Variants in NRG3 observed in about 807,000 individuals in gnomAD.
The protein encoded by NRG3 is neuregulin 3, also known as pro-neuregulin-3, membrane-bound isoform.
Under a neutral mutation model 66.9 loss-of-function variants are expected in NRG3, and 31 were observed. The observed-to-expected ratio is 0.46, with a 90% CI of 0.35 to 0.63. The LOEUF (loss-of-function observed/expected upper bound fraction) is 0.63, where lower values mean the gene tolerates loss of function less well. Among genes scored for constraint, NRG3 ranks in the 20% least tolerant of loss-of-function variants. The probability of loss-of-function intolerance (pLI) is 0.00; values close to 1 mark genes in which losing one functional copy is unlikely to be tolerated. For synonymous variants in NRG3, 393 were observed against 359.4 expected, an observed-to-expected ratio of 1.09 and a Z score of -1.06; for missense variants, 910 against 878.9, an observed-to-expected ratio of 1.04 and a Z score of -0.45.
chr10:82,777,693 A>G (rs2059959463), intron 3 of NRG3, among the ~76,000 whole-genome samples: 2 of 152,110 alleles, frequency 1.3e-5, no homozygotes, highest in Admixed American at 6.6e-5. Flanking sequence ...CATAGCTGCA[A>G]TTTAGATCCT....
At chr10:82,823,441 AC>A (rs1251427992) in intron 3 of NRG3, among the ~76,000 whole-genome samples, 29 of 152,282 alleles carry the variant, frequency 1.9e-4, no homozygotes, top group African/African-American at 6.0e-4. Context: ...ATTTATCAAG[AC>A]ACTAGAATGT....
chr10:82,187,440 T>C (rs551185612), intron 1 of NRG3, among the ~76,000 whole-genome samples: 1 of 152,322 alleles, frequency 6.6e-6, no homozygotes, highest in East Asian at 1.9e-4. Context: ...CATGCAAAGA[T>C]ATTTTCAAAA....
chr10:81,937,977 A>G (rs936119642), intron 1 of NRG3, among the ~76,000 whole-genome samples: 5 of 152,014 alleles, frequency 3.3e-5, no homozygotes, highest in Non-Finnish European at 5.9e-5. Context: ...AGTTTTCCTG[A>G]TACCATTTGT....
At chr10:82,143,988 C>T (rs1036240015) in intron 1 of NRG3, among the ~76,000 whole-genome samples, 1 of 146,904 alleles carries the variant, frequency 6.8e-6, no homozygotes, top group African/African-American at 2.5e-5. Context: ...TGTGATTGTG[C>T]TACTGCATTC....
At chr10:82,633,634 G>A (rs2049992649) in intron 2 of NRG3, among the ~76,000 whole-genome samples, 1 of 152,298 alleles carries the variant, frequency 6.6e-6, no homozygotes, top group East Asian at 1.9e-4. Context: ...CATCAGGAGT[G>A]TGTCAGCAGG....
chr10:82,556,704 C>G (rs557799374), intron 2 of NRG3, among the ~76,000 whole-genome samples: 11 of 152,260 alleles, frequency 7.2e-5, no homozygotes, highest in African/African-American at 2.6e-4. Flanking sequence ...AATCTCCTGT[C>G]ATAGGGTTCT....
intron 1 of NRG3, among the ~76,000 whole-genome samples, chr10:82,127,513 C>T (rs2068526641): frequency 6.6e-6 from 1 of 152,032 alleles, no homozygotes; most frequent in Non-Finnish European, 1.5e-5. Flanking sequence ...CCATACCCTC[C>T]TGAAACATAC....
intron 2 of NRG3, among the ~76,000 whole-genome samples, chr10:82,410,257 C>T (rs953318199): frequency 1.3e-5 from 2 of 151,840 alleles, no homozygotes; most frequent in East Asian, 1.9e-4. Context: ...TTTTGGAGGC[C>T]GAGGTGGATC....
At chr10:82,766,856 T>G (rs1022906806) in intron 3 of NRG3, among the ~76,000 whole-genome samples, 5 of 151,908 alleles carry the variant, frequency 3.3e-5, no homozygotes, top group African/African-American at 4.8e-5. Flanking sequence ...CCCTTCTGTC[T>G]TCCCATTTCT....
intron 1 of NRG3, among the ~76,000 whole-genome samples, chr10:82,308,452 C>G (rs1006682294): frequency 6.6e-6 from 1 of 152,112 alleles, no homozygotes; most frequent in South Asian, 2.1e-4. Context: ...TGTAATATCC[C>G]GTATGGCTTC....
intron 1 of NRG3, among the ~76,000 whole-genome samples, chr10:82,004,396 A>C (rs61862909): frequency 1.3e-5 from 2 of 152,256 alleles, no homozygotes; most frequent in Non-Finnish European, 1.5e-5. Context: ...GAGTGGGAAA[A>C]CCAAAGGTGT....
At chr10:82,028,725 C>G (rs2062428505) in intron 1 of NRG3, among the ~76,000 whole-genome samples, 1 of 151,980 alleles carries the variant, frequency 6.6e-6, no homozygotes, top group African/African-American at 2.4e-5. Context: ...TTTGGCTTCC[C>G]TGATGGAAGG....
intron 2 of NRG3, among the ~76,000 whole-genome samples, chr10:82,455,952 A>G (rs1177472042): frequency 2.0e-5 from 3 of 152,062 alleles, no homozygotes; most frequent in Non-Finnish European, 4.4e-5. Flanking sequence ...AATTTTATCT[A>G]TTCAATAATA....
intron 1 of NRG3, among the ~76,000 whole-genome samples, chr10:82,185,561 A>G (rs2073751639): frequency 6.6e-6 from 1 of 152,244 alleles, no homozygotes; most frequent in Non-Finnish European, 1.5e-5. Context: ...TACTACTTGC[A>G]TACTGCAGCT....
chr10:82,933,043 G>C (rs893528039), intron 4 of NRG3, among the ~76,000 whole-genome samples: 11 of 151,746 alleles, frequency 7.2e-5, no homozygotes, highest in African/African-American at 2.7e-4. Flanking sequence ...CATGATTCAA[G>C]TGAAAAAAGA....
At chr10:82,550,811 A>G (rs2044256689) in intron 2 of NRG3, among the ~76,000 whole-genome samples, 1 of 152,126 alleles carries the variant, frequency 6.6e-6, no homozygotes, top group African/African-American at 2.4e-5. Context: ...CTAACATTCT[A>G]GGATGCTAAC....
rs566051640 is a variant in NRG3, at chr10:82,278,224, C to A, written c.824-80515C>A. On this transcript the variant is annotated intron_variant, in intron 1 of 8. Transcript: ENST00000372141. ...ATGGACTACATATTTTTTTTTAAAGCGTTCTTGGTTTCTTTCATTTGACTG... is the reference window on the plus strand; with the variant it reads ...ATGGACTACATATTTTTTTTTAAAGAGTTCTTGGTTTCTTTCATTTGACTG... 2.0e-5 allele frequency among the ~76,000 whole-genome samples: 3 copies of A among 151,726 alleles called. No individual in the cohort carries two copies. The East Asian group carries it at 5.8e-4, about 30-fold the overall frequency.
intron 1 of NRG3, among the ~76,000 whole-genome samples, chr10:82,352,228 C>G (rs563801855): frequency 6.6e-6 from 1 of 152,268 alleles, no homozygotes; most frequent in South Asian, 2.1e-4. Context: ...GACACATACA[C>G]AGATATATAA....
At chr10:82,836,249 C>T (rs1446383642) in intron 3 of NRG3, among the ~76,000 whole-genome samples, 2 of 152,030 alleles carry the variant, frequency 1.3e-5, no homozygotes, top group Non-Finnish European at 2.9e-5. Context: ...TATTTACTAT[C>T]TGGCCTTTTA....
Sources: gnomAD v4.1 joint callset for allele counts (sites outside exome capture counted in the v4.1 genomes callset) on GRCh38, gnomAD v4.1.1 for gene constraint, MANE v1.5 for transcripts, NCBI Gene and HGNC (gene_info 2026-07-23, HGNC 2026-07-21) for gene names.